B3GLCT: variants seen among roughly 807,000 people sequenced by gnomAD.
B3GLCT encodes beta-1,3-glucosyltransferase.
In B3GLCT, 65 loss-of-function variants were observed where a neutral mutation model predicts 63.4. The ratio of observed to expected loss-of-function variants is 1.03; its 90% CI spans 0.84 to 1.26. B3GLCT has a LOEUF of 1.26. Ranked by LOEUF, B3GLCT falls within the 50% of genes most tolerant of loss-of-function variation. The probability of loss-of-function intolerance (pLI) is 0.00; values close to 1 mark genes in which losing one functional copy is unlikely to be tolerated. For missense variants in B3GLCT, 577 were observed against 604.8 expected (o/e 0.95, Z 0.48); for synonymous variants, 233 against 219.2 (o/e 1.06, Z -0.55).
chr13:31,270,632 C>T (rs781516804), intron 8 of B3GLCT, among the ~76,000 whole-genome samples: 9 of 152,192 alleles, frequency 5.9e-5, no homozygotes, highest in Non-Finnish European at 1.2e-4. Context: ...TTGAGGCTAC[C>T]TATGTGCTTC....
At chr13:31,272,451 T>G (rs1280846041) in intron 8 of B3GLCT, among the ~76,000 whole-genome samples, 3 of 151,932 alleles carry the variant, frequency 2.0e-5, no homozygotes, top group African/African-American at 7.3e-5. Flanking sequence ...TTCCTGACCT[T>G]GTGATCTGCC....
At chr13:31,309,524 A>G (rs1874592996) in intron 12 of B3GLCT, among the ~76,000 whole-genome samples, 2 of 152,188 alleles carry the variant, frequency 1.3e-5, no homozygotes, top group Non-Finnish European at 2.9e-5. Flanking sequence ...TGGGGTTCCC[A>G]CAGCCCCTTC....
chr13:31,253,041 A>G (rs1741444173), intron 6 of B3GLCT, among the ~76,000 whole-genome samples: 1 of 152,202 alleles, frequency 6.6e-6, no homozygotes. Flanking sequence ...TCAAATTAGA[A>G]CTCAGGACTA....
At chr13:31,213,788 G>C (rs1264994539) in intron 1 of B3GLCT, among the ~76,000 whole-genome samples, 1 of 151,920 alleles carries the variant, frequency 6.6e-6, no homozygotes, top group Non-Finnish European at 1.5e-5. Context: ...TGTGGAATTG[G>C]GGATTTATTA....
intron 12 of B3GLCT, among the ~76,000 whole-genome samples, chr13:31,297,022 CTTGTTT>C (rs1177982341): frequency 2.1e-5 from 3 of 142,788 alleles, no homozygotes; most frequent in African/African-American, 7.7e-5. Context: ...TCATACAGTA[CTTGTTT>C]TTTTTTTTTG....
intron 2 of B3GLCT, among the ~76,000 whole-genome samples, chr13:31,220,040 G>T (rs936165053): frequency 2.6e-5 from 4 of 152,172 alleles, no homozygotes; most frequent in Non-Finnish European, 5.9e-5. Context: ...GTTGAAACAG[G>T]CCTGAGCTAG....
chr13:31,229,847 A>G (rs1593259162), intron 4 of B3GLCT, among the ~76,000 whole-genome samples: 1 of 150,142 alleles, frequency 6.7e-6, no homozygotes, highest in East Asian at 1.9e-4. Context: ...ATATATAAAA[A>G]TATATATAAA....
intron 1 of B3GLCT, among the ~76,000 whole-genome samples, chr13:31,208,733 C>A (rs1251766802): frequency 6.6e-6 from 1 of 151,820 alleles, no homozygotes; most frequent in Non-Finnish European, 1.5e-5. Context: ...CACAGCCGTC[C>A]CACACACTGC....
At chr13:31,301,230 G>A (rs1387848601) in intron 12 of B3GLCT, among the ~76,000 whole-genome samples, 2 of 152,166 alleles carry the variant, frequency 1.3e-5, no homozygotes, top group Admixed American at 1.3e-4. Context: ...TTGCTGGGAG[G>A]CACTCACAAA....
intron 13 of B3GLCT, among the ~76,000 whole-genome samples, chr13:31,318,725 C>T (rs1875183892): frequency 1.3e-5 from 2 of 152,092 alleles, no homozygotes; most frequent in Admixed American, 6.6e-5. Flanking sequence ...TGTAATGCAT[C>T]GGGCTTTCTG....
chr13:31,294,611 C>T (rs982851212), intron 12 of B3GLCT, among the ~76,000 whole-genome samples: 3 of 152,142 alleles, frequency 2.0e-5, no homozygotes, highest in African/African-American at 7.2e-5. Flanking sequence ...GCTGTTGATA[C>T]TTGTGTGTGC....
Position 31,329,515 on chromosome 13 carries a change from T to C in B3GLCT, c.1344T>C (p.Asp448=), listed in dbSNP as rs1875805570. The change falls in exon 15 of 15, where the codon GAT becomes GAC. Residue 448 remains aspartate (D), a synonymous_variant. Transcript: ENST00000343307. ...TTTTCCTGCAGGCTCGGCCGGTGGA[T>C]TACCCTAAGGACTACCTTTCTCATC... ...SPLFHQARPV[D]YPKDYLSHQV... 2.5e-6 allele frequency: 4 copies of C among 1,614,158 alleles called. No individual in the cohort carries two copies.
At position 31,298,633 on chromosome 13, in the gene B3GLCT, G is replaced by A. The variant is rs530984563; in HGVS notation, c.1064+11814G>A. ...TCAACTACTATTTCTCTTTCTCTCC[G>A]TTAATACCCAAATGTTTCCACCTTT... On this transcript the variant is annotated intron_variant, in intron 12 of 14. Coordinates refer to ENST00000343307, the MANE Select transcript of B3GLCT (RefSeq NM_194318.4). Among the ~76,000 whole-genome samples the A allele has an allele frequency of 7.9e-5, 12 of 152,054 alleles. No homozygotes were observed. In the South Asian group the frequency reaches 1.5e-3, roughly 18 times the overall value.
At chr13:31,274,924 G>A (rs1165465437) in intron 9 of B3GLCT, among the ~76,000 whole-genome samples, 1 of 152,114 alleles carries the variant, frequency 6.6e-6, no homozygotes, top group Non-Finnish European at 1.5e-5. Context: ...CCAGTGTTTA[G>A]CTTCCACTTA....
chr13:31,273,352 C>T (rs1437778977), intron 8 of B3GLCT, among the ~76,000 whole-genome samples: 1 of 152,228 alleles, frequency 6.6e-6, no homozygotes, highest in Non-Finnish European at 1.5e-5. Context: ...CCTCAGCCTC[C>T]CAAAGTGCTG....
chr13:31,298,041 A>G (rs1031745716), intron 12 of B3GLCT, among the ~76,000 whole-genome samples: 1 of 152,160 alleles, frequency 6.6e-6, no homozygotes, highest in Non-Finnish European at 1.5e-5. Context: ...TTGGCCACTG[A>G]TGATCAACTT....
intron 12 of B3GLCT, among the ~76,000 whole-genome samples, chr13:31,314,315 C>T (rs1285511622): frequency 1.3e-5 from 2 of 152,182 alleles, no homozygotes; most frequent in East Asian, 1.9e-4. Flanking sequence ...GGAAGAGCCG[C>T]AGACACTCAA....
chr13:31,259,160 TAAAG>T (rs1871891436), intron 6 of B3GLCT, among the ~76,000 whole-genome samples: 1 of 152,228 alleles, frequency 6.6e-6, no homozygotes, highest in Non-Finnish European at 1.5e-5. Flanking sequence ...TTTTTATCCT[TAAAG>T]AACACATTAA....
intron 9 of B3GLCT, among the ~76,000 whole-genome samples, chr13:31,276,091 T>A (rs1872770659): frequency 6.6e-6 from 1 of 152,192 alleles, no homozygotes; most frequent in Non-Finnish European, 1.5e-5. Context: ...CCCCCTTTCA[T>A]CTGTGTGATC....
Sources: gnomAD v4.1 joint callset for allele counts (sites outside exome capture counted in the v4.1 genomes callset) on GRCh38, gnomAD v4.1.1 for gene constraint, MANE v1.5 for transcripts, NCBI Gene and HGNC (gene_info 2026-07-23, HGNC 2026-07-21) for gene names.